Variants in METTL25 observed in about 807,000 individuals in gnomAD.
METTL25 encodes methyltransferase like 25, also known as probable methyltransferase-like protein 25.
In METTL25, 64 loss-of-function variants were observed where a neutral mutation model predicts 71.6. The ratio of observed to expected loss-of-function variants is 0.89; its 90% confidence interval spans 0.73 to 1.10. The LOEUF (loss-of-function observed/expected upper bound fraction) is 1.10, where lower values mean the gene tolerates loss of function less well. Ranked by LOEUF, METTL25 falls within the 50% of genes least tolerant of loss-of-function variation. METTL25 has a pLI of 0.00. For missense variants in METTL25, 807 were observed against 707.0 expected, an observed-to-expected ratio of 1.14 and a Z score of -1.60; for synonymous variants, 287 against 250.3, an observed-to-expected ratio of 1.15 and a Z score of -1.38.
At chr12:82,387,192 T>C (rs1592627593) in intron 2 of METTL25, among the ~76,000 whole-genome samples, 1 of 152,110 alleles carries the variant, frequency 6.6e-6, no homozygotes, top group East Asian at 1.9e-4. Context: ...TTCTTGTAAC[T>C]CTTGTAACTT....
chr12:82,425,887 T>A (rs909441955), intron 5 of METTL25, among the ~76,000 whole-genome samples: 2 of 152,038 alleles, frequency 1.3e-5, no homozygotes, highest in Non-Finnish European at 2.9e-5. Flanking sequence ...CTCTAAGAGA[T>A]TATTGATTCT....
intron 1 of METTL25, among the ~76,000 whole-genome samples, chr12:82,382,955 A>G (rs7294903): frequency 0.92 from 140,652 of 152,176 alleles, 65,321 homozygotes; most frequent in East Asian, 1. Flanking sequence ...GGCAATCCTC[A>G]TGTCTCAGCC....
chr12:82,447,969 G>C (rs893377872), intron 8 of METTL25, among the ~76,000 whole-genome samples: 3 of 152,136 alleles, frequency 2.0e-5, no homozygotes, highest in African/African-American at 7.2e-5. Context: ...TAGCCTGAAA[G>C]AACCAGGATC....
intron 5 of METTL25, among the ~76,000 whole-genome samples, chr12:82,422,375 T>A (rs1888598105): frequency 6.6e-6 from 1 of 152,104 alleles, no homozygotes; most frequent in Non-Finnish European, 1.5e-5. Context: ...TCTCAATAAA[T>A]TAGGTATTGA....
chr12:82,404,267 A>G (rs985607745), intron 5 of METTL25, among the ~76,000 whole-genome samples: 3 of 152,220 alleles, frequency 2.0e-5, no homozygotes, highest in Middle Eastern at 3.4e-3. Context: ...TTTAATTTAG[A>G]TGGAGAGTAT....
At chr12:82,380,136 A>G (rs972600689) in intron 1 of METTL25, among the ~76,000 whole-genome samples, 3 of 152,196 alleles carry the variant, frequency 2.0e-5, no homozygotes, top group African/African-American at 7.2e-5. Context: ...TTAGGAATAT[A>G]TATTAAAATA....
intron 5 of METTL25, among the ~76,000 whole-genome samples, chr12:82,422,550 A>G (rs896404107): frequency 1.3e-5 from 2 of 152,164 alleles, no homozygotes; most frequent in Non-Finnish European, 2.9e-5. Flanking sequence ...GGCCAGGGCA[A>G]TTAGGCAGGA....
intron 2 of METTL25, among the ~76,000 whole-genome samples, chr12:82,388,468 G>T (rs970760909): frequency 2.0e-5 from 3 of 151,944 alleles, no homozygotes; most frequent in East Asian, 1.9e-4. Flanking sequence ...GGCTGTAGTC[G>T]ACTGGCAATG....
At chr12:82,363,475 C>T (rs978661879) in intron 1 of METTL25, among the ~76,000 whole-genome samples, 4 of 152,084 alleles carry the variant, frequency 2.6e-5, no homozygotes, top group African/African-American at 7.2e-5. Context: ...AGAAAATCTA[C>T]CCAAATCTTT....
chr12:82,470,668 C>G (rs1423442134), intron 9 of METTL25, among the ~76,000 whole-genome samples: 1 of 152,158 alleles, frequency 6.6e-6, no homozygotes, highest in African/African-American at 2.4e-5. Flanking sequence ...GAAACTGTCA[C>G]TAGTTTCAAC....
At chr12:82,383,543 C>G (rs1884659949) in intron 1 of METTL25, among the ~76,000 whole-genome samples, 1 of 152,070 alleles carries the variant, frequency 6.6e-6, no homozygotes, top group South Asian at 2.1e-4. Context: ...ATAAAACTGT[C>G]ACATGAAAGG....
chr12:82,393,274 T>C (rs1278041482), intron 3 of METTL25, among the ~76,000 whole-genome samples: 1 of 152,144 alleles, frequency 6.6e-6, no homozygotes, highest in Non-Finnish European at 1.5e-5. Context: ...GAAATATCTT[T>C]CAGTTTTTTT....
intron 5 of METTL25, among the ~76,000 whole-genome samples, chr12:82,419,672 A>G (rs113551620): frequency 1.5e-3 from 202 of 134,170 alleles, no homozygotes; most frequent in African/African-American, 5.4e-3. Flanking sequence ...GTCACCTCAT[A>G]CCTGTTAAAA....
intron 5 of METTL25, among the ~76,000 whole-genome samples, chr12:82,415,389 G>A (rs1887888815): frequency 1.3e-5 from 2 of 152,048 alleles, no homozygotes; most frequent in Non-Finnish European, 2.9e-5. Context: ...GTGGAGATGA[G>A]AAGTAGAAAA....
chr12:82,421,723 C>G (rs772673776), intron 5 of METTL25, among the ~76,000 whole-genome samples: 1 of 152,028 alleles, frequency 6.6e-6, no homozygotes, highest in Non-Finnish European at 1.5e-5. Context: ...TTATCACCAC[C>G]GATCCCACAG....
chr12:82,370,513 C>T (rs1883106174), intron 1 of METTL25, among the ~76,000 whole-genome samples: 1 of 152,088 alleles, frequency 6.6e-6, no homozygotes, highest in South Asian at 2.1e-4. Flanking sequence ...CAATACTTTT[C>T]CCCTAAGAAA....
At chr12:82,440,561 A>AT (rs199785052) in intron 8 of METTL25, among the ~76,000 whole-genome samples, 11 of 151,332 alleles carry the variant, frequency 7.3e-5, no homozygotes, top group Admixed American at 6.6e-4. Flanking sequence ...TGTACATGTT[A>AT]TTTTTTTTTA....
intron 5 of METTL25, among the ~76,000 whole-genome samples, chr12:82,411,927 A>G (rs545180049): frequency 1.3e-5 from 2 of 152,236 alleles, no homozygotes; most frequent in South Asian, 4.1e-4. Flanking sequence ...ATTTAACTTT[A>G]CAATTTAATA....
chr12:82,445,741 G>A (rs780238925), intron 8 of METTL25, among the ~76,000 whole-genome samples: 23 of 152,124 alleles, frequency 1.5e-4, no homozygotes, highest in Non-Finnish European at 2.9e-4. Flanking sequence ...TATAGATTGA[G>A]GTCTGCAGCT....
Sources: gnomAD v4.1 joint callset for allele counts (sites outside exome capture counted in the v4.1 genomes callset) on GRCh38, gnomAD v4.1.1 for gene constraint, MANE v1.5 for transcripts, NCBI Gene and HGNC (gene_info 2026-07-23, HGNC 2026-07-21) for gene names.